Variants in PLSCR5 observed in about 807,000 individuals in gnomAD.
PLSCR5 encodes phospholipid scramblase family member 5.
In PLSCR5, 44 loss-of-function variants were observed where a neutral mutation model predicts 33.6. That is an observed-to-expected ratio of 1.31 (90% confidence interval 1.03 to 1.69). The LOEUF (loss-of-function observed/expected upper bound fraction) is 1.69, where lower values mean the gene tolerates loss of function less well. PLSCR5 is among the 40% of genes most tolerant of loss of function. The pLI is 0.00. For missense variants in PLSCR5, 375 were observed against 318.7 expected, an observed-to-expected ratio of 1.18 and a Z score of -1.34; for synonymous variants, 148 against 112.3, an observed-to-expected ratio of 1.32 and a Z score of -2.01.
chr3:146,588,976 G>A (rs1289335438), intron 6 of PLSCR5, among the ~76,000 whole-genome samples: 1 of 152,044 alleles, frequency 6.6e-6, no homozygotes, highest in Admixed American at 6.6e-5. Context: ...AAGTTTTTAT[G>A]GCTGCATTGA....
intron 7 of PLSCR5, among the ~76,000 whole-genome samples, chr3:146,580,454 C>CTTTTTTTTTT (rs1170556618): frequency 3.3e-5 from 2 of 60,554 alleles, no homozygotes; most frequent in Non-Finnish European, 6.0e-5. Context: ...TTTGAATTTG[C>CTTTTTTTTTT]TTTTTTTTTT....
chr3:146,580,265 C>G (rs1045550654), intron 7 of PLSCR5, among the ~76,000 whole-genome samples: 1 of 152,050 alleles, frequency 6.6e-6, no homozygotes, highest in Non-Finnish European at 1.5e-5. Flanking sequence ...CATTCCATAT[C>G]TAACGAAATG....
At chr3:146,589,255 T>C (rs1451417032) in intron 6 of PLSCR5, among the ~76,000 whole-genome samples, 1 of 152,198 alleles carries the variant, frequency 6.6e-6, no homozygotes, top group East Asian at 1.9e-4. Context: ...TAATATCATC[T>C]AGCTCACTAT....
intron 3 of PLSCR5, 38 bp downstream of exon 3, chr3:146,595,003 T>C: frequency 5.7e-6 from 7 of 1,230,880 alleles, no homozygotes; most frequent in Non-Finnish European, 7.4e-6. Flanking sequence ...ATATTTTCAA[T>C]AGTTTTAATA....
chr3:146,595,906 G>A (rs1183713756), intron 2 of PLSCR5, among the ~76,000 whole-genome samples: 1 of 152,108 alleles, frequency 6.6e-6, no homozygotes, highest in East Asian at 1.9e-4. Context: ...AACCTGAAAG[G>A]TTATTGTATA....
At chr3:146,584,726 C>T (rs1465228005), downstream of PLSCR5, among the ~76,000 whole-genome samples, 1 of 152,040 alleles carries the variant, frequency 6.6e-6, no homozygotes, top group Non-Finnish European at 1.5e-5. Context: ...TGTTATACAG[C>T]ATAAAGCCCT....
chr3:146,576,879 T>C (rs2044600786), intron 7 of PLSCR5, among the ~76,000 whole-genome samples: 1 of 152,046 alleles, frequency 6.6e-6, no homozygotes, highest in African/African-American at 2.4e-5. Context: ...ATTACTATAG[T>C]TTTGAAAGCC....
At chr3:146,596,682 A>G (rs1050738586) in intron 2 of PLSCR5, among the ~76,000 whole-genome samples, 6 of 152,208 alleles carry the variant, frequency 3.9e-5, no homozygotes, top group African/African-American at 1.4e-4. Context: ...ACCAGTCATT[A>G]CTAAAATTTG....
At chr3:146,579,142 A>C (rs1471752002) in intron 7 of PLSCR5, among the ~76,000 whole-genome samples, 6 of 152,272 alleles carry the variant, frequency 3.9e-5, no homozygotes, top group Admixed American at 3.3e-4. Context: ...ATTTCACAGC[A>C]TAAGAAATAG....
chr3:146,598,136 T>C (rs890558573), intron 2 of PLSCR5, among the ~76,000 whole-genome samples: 1 of 152,148 alleles, frequency 6.6e-6, no homozygotes, highest in Non-Finnish European at 1.5e-5. Flanking sequence ...ATGGACTTGA[T>C]TAAAAGAGAA....
At chr3:146,582,022 G>A (rs1233259158), downstream of PLSCR5, among the ~76,000 whole-genome samples, 1 of 152,118 alleles carries the variant, frequency 6.6e-6, no homozygotes, top group Non-Finnish European at 1.5e-5. Context: ...AGACTTAAAG[G>A]CATTACAATT....
intron 7 of PLSCR5, among the ~76,000 whole-genome samples, chr3:146,577,897 T>A (rs557235694): frequency 3.3e-5 from 5 of 152,220 alleles, no homozygotes; most frequent in African/African-American, 9.6e-5. Flanking sequence ...GAAAGACTTA[T>A]TAAACATATA....
At chr3:146,584,950 G>A (rs560021300), downstream of PLSCR5, among the ~76,000 whole-genome samples, 7 of 152,188 alleles carry the variant, frequency 4.6e-5, no homozygotes, top group Non-Finnish European at 1.0e-4. Flanking sequence ...TAAAACTGTA[G>A]GTGGTATTTG....
rs193012086 is a variant in PLSCR5 at position 146,578,751 on chromosome 3, T to C, written c.*45-2026A>G. Among the ~76,000 whole-genome samples the C allele has an allele frequency of 1.2e-3, 180 of 152,234 alleles. 1 individual carries two copies. Among genetic ancestry groups the C allele is most frequent in the Non-Finnish European group, 1.3e-3 (85 of 67,976 alleles). ...TTGTGAAACAAATAGTCTTATCGTG[T>C]TTTAATTTTGTTTTGGGCAAAATAT... On this transcript the variant is annotated intron_variant, in intron 7 of 7. Transcript: ENST00000482567.
intron 7 of PLSCR5, among the ~76,000 whole-genome samples, chr3:146,578,866 A>G (rs1275935679): frequency 6.6e-6 from 1 of 152,106 alleles, no homozygotes; most frequent in Non-Finnish European, 1.5e-5. Flanking sequence ...ATGCCTTGAA[A>G]TGCATTTTCA....
intron 7 of PLSCR5, 21 bp from the exon 8 acceptor site, chr3:146,585,963 G>A (rs342902): frequency 0.72 from 829,470 of 1,159,038 alleles, 297,764 homozygotes; most frequent in East Asian, 0.75. Flanking sequence ...ATGAAAAAGA[G>A]TTAGATAGCG....
chr3:146,584,526 G>A (rs1351979680), downstream of PLSCR5, among the ~76,000 whole-genome samples: 2 of 152,154 alleles, frequency 1.3e-5, no homozygotes, highest in African/African-American at 4.8e-5. Context: ...TTAAAATATA[G>A]TTATTTTTTG....
Position 146,593,983 on chromosome 3 carries a change from C to T in PLSCR5, c.390G>A (p.Glu130=). 2.5e-6 allele frequency: 4 copies of T among 1,613,826 alleles called. No individual in the cohort carries two copies. Among genetic ancestry groups the T allele is most frequent in the Admixed American group, 1.7e-5 (1 of 59,984 alleles). The change falls in exon 4 of 8, where the codon GAG becomes GAA. Residue 130 remains glutamate, a synonymous_variant. Coordinates refer to ENST00000443512, the MANE Select transcript of PLSCR5 (RefSeq NM_001085420.2). The part of the protein sequence containing the change: ...TLRITDNSGR[E]VITVNRPLRC... Reference sequence around the variant, plus strand: ...TCAAGGGCCTGTTCACTGTAATGACCTCTCGACCTGAGTTATCTGTGATCC... The same window carrying T: ...TCAAGGGCCTGTTCACTGTAATGACTTCTCGACCTGAGTTATCTGTGATCC...
intron 7 of PLSCR5, among the ~76,000 whole-genome samples, chr3:146,578,156 A>G (rs2044610526): frequency 6.6e-6 from 1 of 151,706 alleles, no homozygotes; most frequent in East Asian, 1.9e-4. Context: ...TGCTTTTATG[A>G]TTTATTGATA....
Sources: allele counts gnomAD v4.1 joint callset (sites outside exome capture counted in the v4.1 genomes callset), GRCh38; gene constraint gnomAD v4.1.1; transcripts MANE v1.5; gene names NCBI Gene and HGNC (gene_info 2026-07-23, HGNC 2026-07-21).